Variants in SLC25A37 observed in about 807,000 individuals in gnomAD.
SLC25A37 encodes the protein mitoferrin-1.
Under a neutral mutation model 31.0 loss-of-function variants are expected in SLC25A37, and 17 were observed. The observed-to-expected ratio is 0.55, with a 90% CI of 0.38 to 0.82. The LOEUF (loss-of-function observed/expected upper bound fraction) is 0.82, where lower values mean the gene tolerates loss of function less well. Among genes scored for constraint, SLC25A37 ranks in the 40% least tolerant of loss-of-function variants. SLC25A37 has a pLI of 0.00. For synonymous variants in SLC25A37, 222 were observed against 193.0 expected, an observed-to-expected ratio of 1.15 and a Z score of -1.24; for missense variants, 404 against 465.8, an observed-to-expected ratio of 0.87 and a Z score of 1.22.
At position 23,573,602 on chromosome 8, in the gene SLC25A37, C is replaced by T; in HGVS notation, c.*1747C>T. 1 of 331,338 alleles carries T rather than the reference C, an allele frequency of 3.0e-6. No individual in the cohort carries two copies. The highest frequency in any genetic ancestry group is 2.3e-5 in the South Asian group (1 of 42,626). 20.5% of individuals were successfully genotyped at this position (331,338 alleles called of 1,614,324 possible). ...CTAGGAAGTAACACGTGGAGAATTT[C>T]CATCTTGGGACCATGCACACAGTGC... On this transcript the variant is annotated 3_prime_UTR_variant, in exon 4 of 4. Transcript: ENST00000519973.
intron 3 of SLC25A37, 27 bp from the exon 4 acceptor site, chr8:23,571,308 T>G: frequency 6.6e-7 from 1 of 1,516,078 alleles, no homozygotes; most frequent in Non-Finnish European, 8.9e-7. Flanking sequence ...GCTGTCCGTC[T>G]GGCCTGCCCC....
intron 1 of SLC25A37, among the ~76,000 whole-genome samples, chr8:23,539,753 T>C (rs10503726): frequency 0.36 from 54,068 of 152,172 alleles, 11,690 homozygotes; most frequent in East Asian, 0.62. Flanking sequence ...AACCTTAACA[T>C]GCAAAGCTAA....
chr8:23,547,437 G>T (rs1802098242), intron 1 of SLC25A37, among the ~76,000 whole-genome samples: 1 of 152,140 alleles, frequency 6.6e-6, no homozygotes, highest in African/African-American at 2.4e-5. Flanking sequence ...AGCAACTCTG[G>T]GAAAAACACT....
At chr8:23,546,554 GTGTATATATATATA>G (rs1802057984) in intron 1 of SLC25A37, among the ~76,000 whole-genome samples, 2 of 5,992 alleles carry the variant, frequency 3.3e-4, no homozygotes, top group East Asian at 4.1e-3. Context: ...TATATATATA[GTGTATATATATATA>G]TATATATATA....
At chr8:23,542,948 G>A (rs1019305431) in intron 1 of SLC25A37, 3 of 152,182 alleles carry the variant, frequency 2.0e-5, no homozygotes, top group Non-Finnish European at 2.9e-5. Flanking sequence ...AATATTTTTT[G>A]TAGAGCTGTA....
intron 1 of SLC25A37, among the ~76,000 whole-genome samples, chr8:23,544,247 G>T (rs151118816): frequency 6.6e-6 from 1 of 152,306 alleles, no homozygotes; most frequent in African/African-American, 2.4e-5. Context: ...ACAGTAGCAT[G>T]CTGTACAGGT....
Position 23,571,978 on chromosome 8 carries a change from A to C in SLC25A37, c.*123A>C. On this transcript the variant is annotated 3_prime_UTR_variant, in exon 4 of 4. Transcript: ENST00000519973. The stretch of plus-strand genomic sequence containing the variant: ...GCTGCCTATGGGCCCTCTGCTCCCC[A>C]ATGCCTTAGAGAGAGGAGGGGACGG... The C allele has an allele frequency of 9.1e-7, 1 of 1,102,096 alleles. No homozygotes were observed. The highest frequency in any genetic ancestry group is 1.3e-6 in the Non-Finnish European group (1 of 774,354). The allele number at this position is 1,102,096 out of a possible 1,614,324, so 68.3% of individuals were successfully genotyped here. A position where few individuals can be genotyped will look rare whatever the true frequency, so the allele number is the denominator to read the frequency against.
chr8:23,542,706 T>C (rs1801929485), intron 1 of SLC25A37, among the ~76,000 whole-genome samples: 1 of 148,146 alleles, frequency 6.8e-6, no homozygotes, highest in Non-Finnish European at 1.5e-5. Context: ...TTTAAGTTAA[T>C]TGTAAAAGAG....
In SLC25A37 at chr8:23,571,372, C is replaced by T. The variant is rs2117468520; in HGVS notation, c.534C>T (p.His178=). The change falls in exon 4 of 4, where the codon CAC becomes CAT. Residue 178 remains histidine, a synonymous_variant. Transcript: ENST00000519973. ...GCTTGCAGATGTACAACTCGCAGCA[C>T]CGGTCAGCAATCAGCTGCATCCGGA... ...KQRLQMYNSQ[H]RSAISCIRTV... 6.2e-7 allele frequency: 1 copy of T among 1,608,596 alleles called. No individual in the cohort carries two copies. Among genetic ancestry groups the T allele is most frequent in the African/African-American group, 1.3e-5 (1 of 74,950 alleles).
chr8:23,561,500 C>T (rs766922327), intron 1 of SLC25A37, among the ~76,000 whole-genome samples: 5 of 152,208 alleles, frequency 3.3e-5, no homozygotes, highest in Non-Finnish European at 7.3e-5. Context: ...CCCAGCAGCT[C>T]TCTGGGCGAT....
rs894774546 is a variant in SLC25A37 at position 23,573,718 on chromosome 8, C to CACG, written c.*1863_*1864insACG. 5 of 439,686 alleles carry CACG rather than the reference C, an allele frequency of 1.1e-5. No homozygotes were observed. The highest frequency in any genetic ancestry group is 7.2e-5 in the Admixed American group (3 of 41,474). The allele number at this position is 439,686 out of a possible 1,614,324, so 27.2% of individuals were successfully genotyped here. On this transcript the variant is annotated 3_prime_UTR_variant, in exon 4 of 4. Coordinates refer to ENST00000519973, the MANE Select transcript of SLC25A37 (RefSeq NM_016612.4). Reference sequence around the variant, plus strand: ...AGATCAGGGATGGGAAAGAGCCAAACTGGGTACCTCCCACGTGTGCCCCGT... The same window carrying CACG: ...AGATCAGGGATGGGAAAGAGCCAAACACGTGGGTACCTCCCACGTGTGCCCCGT...
intron 1 of SLC25A37, among the ~76,000 whole-genome samples, chr8:23,542,637 C>T (rs1183854122): frequency 1.3e-5 from 2 of 151,444 alleles, no homozygotes; most frequent in Non-Finnish European, 2.9e-5. Flanking sequence ...CCTCAGCCTC[C>T]CAGAGTGTTG....
intron 1 of SLC25A37, among the ~76,000 whole-genome samples, chr8:23,538,860 C>T (rs879289190): frequency 2.0e-5 from 3 of 152,142 alleles, no homozygotes; most frequent in Non-Finnish European, 4.4e-5. Context: ...AAGCTGCTGC[C>T]GTCTTGCAGG....
intron 1 of SLC25A37, among the ~76,000 whole-genome samples, chr8:23,540,324 C>T (rs1313823512): frequency 6.6e-6 from 1 of 152,130 alleles, no homozygotes; most frequent in South Asian, 2.1e-4. Context: ...ATGTTAATGG[C>T]AGCAGAGCCC....
intron 1 of SLC25A37, among the ~76,000 whole-genome samples, chr8:23,541,190 G>A (rs900759293): frequency 1.3e-5 from 2 of 152,026 alleles, no homozygotes; most frequent in African/African-American, 2.4e-5. Flanking sequence ...TAGTGGCTGC[G>A]TGTAGCAGAA....
At chr8:23,566,616 A>ATT (rs34669688) in intron 2 of SLC25A37, 10 of 1,108,840 alleles carry the variant, frequency 9.0e-6, no homozygotes, top group Non-Finnish European at 1.1e-5. Flanking sequence ...TTTCTTTTGT[A>ATT]TTTTTTTTTG....
In SLC25A37 at chr8:23,574,672, C is replaced by G. The variant is rs1226828201; in HGVS notation, c.*2817C>G. The G allele has an allele frequency of 6.5e-6, 1 of 154,918 alleles. No individual in the cohort carries two copies. Among genetic ancestry groups the G allele is most frequent in the Non-Finnish European group, 1.5e-5 (1 of 68,240 alleles). 9.6% of individuals were successfully genotyped at this position (154,918 alleles called of 1,614,324 possible). On this transcript the variant is annotated 3_prime_UTR_variant, in exon 4 of 4. Transcript: ENST00000519973. ...TGTAGAAATTAACTTTCCCATCTGG[C>G]CTTTATCTCCAAAGTTGGTATTGTT...
chr8:23,571,415 G>C lies in SLC25A37; in HGVS notation c.577G>C (p.Gly193Arg), dbSNP rs1231779631. 2.5e-6 allele frequency: 4 copies of C among 1,613,816 alleles called. No individual in the cohort carries two copies. The highest frequency in any genetic ancestry group is 4.5e-5 in the East Asian group (2 of 44,876). ...CATCCGGACGGTGTGGAGGACCGAG[G>C]GGTTGGGGGCCTTCTACCGGAGCTA... The part of the protein sequence containing the change: ...SCIRTVWRTE[G>R]LGAFYRSYTT... The change falls in exon 4 of 4, where the codon GGG (glycine) becomes CGG (arginine). Residue 193 changes from glycine (G) to arginine (R), a missense_variant. By Grantham distance (125) the Gly-to-Arg change is moderately radical (BLOSUM62 -2). Coordinates refer to ENST00000519973, the MANE Select transcript of SLC25A37 (RefSeq NM_016612.4).
intron 1 of SLC25A37, among the ~76,000 whole-genome samples, chr8:23,537,893 A>T (rs561353903): frequency 3.3e-5 from 5 of 152,230 alleles, no homozygotes; most frequent in African/African-American, 9.6e-5. Context: ...ATAATCCCTC[A>T]GCACTTCTGT....
Sources: allele counts gnomAD v4.1 joint callset (sites outside exome capture counted in the v4.1 genomes callset), GRCh38; gene constraint gnomAD v4.1.1; transcripts MANE v1.5; gene names NCBI Gene and HGNC (gene_info 2026-07-23, HGNC 2026-07-21).